Variants in CACNA1B observed in about 807,000 individuals in gnomAD.
CACNA1B encodes calcium voltage-gated channel subunit alpha1 B, also known as voltage-dependent N-type calcium channel subunit alpha-1B.
In CACNA1B, 70 loss-of-function variants were observed where a neutral mutation model predicts 247.2. That is an observed-to-expected ratio of 0.28 (90% CI 0.23 to 0.35). CACNA1B has a LOEUF of 0.35. Ranked by LOEUF, CACNA1B falls within the 10% of genes least tolerant of loss-of-function variation. CACNA1B has a pLI of 1.00. For missense variants in CACNA1B, 2,367 were observed against 3,197.4 expected (o/e 0.74, Z 6.26); for synonymous variants, 1,231 against 1,294.4 (o/e 0.95, Z 1.05).
intron 20 of CACNA1B, among the ~76,000 whole-genome samples, chr9:138,039,619 A>T (rs1421336296): frequency 6.6e-6 from 1 of 152,056 alleles, no homozygotes; most frequent in Admixed American, 6.6e-5. Context: ...AATTTTAATT[A>T]ATCTGTTTGT....
rs537683081 is a variant in CACNA1B, at chr9:138,042,674, T to G, written c.3287-1100T>G. ...AAAAGTGGTCGCTTTAAACTGCTTG[T>G]GCTCGTGGGCAGGGGCTGGTTATCT... is the stretch of plus-strand genomic sequence containing the variant. On this transcript the variant is annotated intron_variant, in intron 20 of 46. Transcript: ENST00000371372. Among the ~76,000 whole-genome samples, 5 of 152,316 alleles carry G rather than the reference T, an allele frequency of 3.3e-5. No homozygotes were observed. The South Asian group carries it at 1.0e-3, about 32-fold the overall frequency.
At chr9:138,093,375 G>A (rs1423014064) in intron 36 of CACNA1B, among the ~76,000 whole-genome samples, 1 of 129,850 alleles carries the variant, frequency 7.7e-6, no homozygotes, top group African/African-American at 3.1e-5. Context: ...CCGAGATCAT[G>A]CCTGGGCTAC....
chr9:137,955,525 C>A lies in CACNA1B; in HGVS notation c.1071-173C>A, dbSNP rs1050528634. Among the ~76,000 whole-genome samples, 2 of 152,322 alleles carry A rather than the reference C, an allele frequency of 1.3e-5. No homozygotes were observed. The highest frequency in any genetic ancestry group is 4.8e-5 in the African/African-American group (2 of 41,596). On this transcript the variant is annotated intron_variant, in intron 7 of 46. Transcript: ENST00000371372. This position sits in a 1 kb window ranked among gnomAD's most constrained non-coding sequence, Gnocchi z 6.9. Reference sequence around the variant, plus strand: ...GAGCTGTCTGGTGCTCTGGAGTGCTCATCTGGAGTGCTCAGGTTAGAAGAG... The same window carrying A: ...GAGCTGTCTGGTGCTCTGGAGTGCTAATCTGGAGTGCTCAGGTTAGAAGAG...
At chr9:137,902,750 G>A (rs1017360362) in intron 3 of CACNA1B, among the ~76,000 whole-genome samples, 1 of 152,106 alleles carries the variant, frequency 6.6e-6, no homozygotes, top group Admixed American at 6.5e-5. Flanking sequence ...TCACCCTCCA[G>A]GGCTACTGCG....
intron 43 of CACNA1B, 42 bp downstream of exon 43, chr9:138,118,123 TG>T: frequency 7.9e-7 from 1 of 1,260,228 alleles, no homozygotes; most frequent in Non-Finnish European, 1.0e-6. Flanking sequence ...TTGGGGGATG[TG>T]TGAACAGGGA....
intron 3 of CACNA1B, among the ~76,000 whole-genome samples, chr9:137,885,000 T>C (rs1283100933): frequency 8.2e-6 from 1 of 122,026 alleles, no homozygotes; most frequent in African/African-American, 3.2e-5. Context: ...GCCCTTTGTC[T>C]CCTCTCCACG....
chr9:137,916,820 G>A (rs996881414), intron 5 of CACNA1B, among the ~76,000 whole-genome samples: 17 of 152,130 alleles, frequency 1.1e-4, no homozygotes, highest in African/African-American at 4.1e-4. Flanking sequence ...AGTCAGCGTG[G>A]TGGTTTGGCT....
chr9:138,078,007 C>G (rs1421361259), intron 35 of CACNA1B, 107 bp from the exon 36 acceptor site: 8 of 893,890 alleles, frequency 8.9e-6, no homozygotes, highest in Non-Finnish European at 1.4e-5. Context: ...CATGTGTGAG[C>G]TGTCTGTGGG....
intron 6 of CACNA1B, among the ~76,000 whole-genome samples, chr9:137,949,096 GCATGTT>G (rs1564203123): frequency 1.8e-4 from 13 of 73,504 alleles, no homozygotes; most frequent in South Asian, 4.8e-4. Flanking sequence ...TGTGGTGTGT[GCATGTT>G]TGTGGTGGCT....
At chr9:137,898,865 T>C (rs561592630) in intron 3 of CACNA1B, among the ~76,000 whole-genome samples, 1 of 152,004 alleles carries the variant, frequency 6.6e-6, no homozygotes, top group Admixed American at 6.6e-5. Flanking sequence ...GTATTTTTAG[T>C]AGAGACGGGG....
chr9:138,050,198 C>T lies in CACNA1B; in HGVS notation c.3710+883C>T, dbSNP rs562397580. The T allele has an allele frequency of 2.3e-5, 18 of 798,132 alleles. No individual in the cohort carries two copies. The highest frequency in any genetic ancestry group is 6.4e-5 in the East Asian group (1 of 15,732). 49.4% of individuals were successfully genotyped at this position (798,132 alleles called of 1,614,324 possible). Reference sequence around the variant, plus strand: ...CCCCGCCCATCCACTTTCACCCCATCGGGGCTGCATGCTGCCGGGAGCCAA... The same window carrying T: ...CCCCGCCCATCCACTTTCACCCCATTGGGGCTGCATGCTGCCGGGAGCCAA... On this transcript the variant is annotated intron_variant, in intron 24 of 46. Transcript: ENST00000371372. The surrounding 1 kb of genome is among the most constrained non-coding windows in gnomAD (Gnocchi z 5.2).
intron 12 of CACNA1B, 104 bp downstream of exon 12, chr9:137,976,123 C>T (rs1409486990): frequency 4.1e-6 from 3 of 724,718 alleles, no homozygotes; most frequent in Non-Finnish European, 7.2e-6. Flanking sequence ...GTCTGTGACC[C>T]TACATGGGTC....
intron 36 of CACNA1B, among the ~76,000 whole-genome samples, chr9:138,094,108 G>A (rs962190955): frequency 5.3e-5 from 8 of 152,150 alleles, no homozygotes; most frequent in Non-Finnish European, 8.8e-5. Flanking sequence ...AGAGCGTTCT[G>A]ACACATTCTA....
At chr9:138,024,166 G>A (rs1176069901) in intron 19 of CACNA1B, among the ~76,000 whole-genome samples, 2 of 152,310 alleles carry the variant, frequency 1.3e-5, no homozygotes, top group East Asian at 3.9e-4. Context: ...GAGAAAGTTG[G>A]GGATTGCAGT....
intron 3 of CACNA1B, among the ~76,000 whole-genome samples, chr9:137,912,771 C>T (rs1957372196): frequency 6.6e-6 from 1 of 152,152 alleles, no homozygotes; most frequent in Non-Finnish European, 1.5e-5. Flanking sequence ...CTCTCAGTCT[C>T]CACTCCTCTC....
intron 37 of CACNA1B, among the ~76,000 whole-genome samples, chr9:138,099,217 CAT>C (rs773842098): frequency 6.6e-6 from 1 of 152,212 alleles, no homozygotes; most frequent in African/African-American, 2.4e-5. Flanking sequence ...TGCATGTGTA[CAT>C]GTGTGTTGTG....
At chr9:137,991,844 T>C (rs529458380) in intron 15 of CACNA1B, among the ~76,000 whole-genome samples, 2 of 152,176 alleles carry the variant, frequency 1.3e-5, no homozygotes, top group Non-Finnish European at 2.9e-5. Flanking sequence ...AAACTAAGCC[T>C]CATAAATGAA....
chr9:137,982,889 T>A (rs1958310632), intron 12 of CACNA1B, among the ~76,000 whole-genome samples: 1 of 152,222 alleles, frequency 6.6e-6, no homozygotes, highest in South Asian at 2.1e-4. Context: ...ACGTTAGATA[T>A]TCTCTGAATG....
At chr9:138,053,030 G>C (rs1959351168) in intron 25 of CACNA1B, among the ~76,000 whole-genome samples, 2 of 152,376 alleles carry the variant, frequency 1.3e-5, no homozygotes, top group South Asian at 4.1e-4. Context: ...GGACCCAAGA[G>C]AAAGCCTCAG....
Sources: gnomAD v4.1 joint callset for allele counts (sites outside exome capture counted in the v4.1 genomes callset) on GRCh38, gnomAD v4.1.1 for gene constraint, Gnocchi (gnomAD v3.1) non-coding constraint, MANE v1.5 for transcripts, NCBI Gene and HGNC (gene_info 2026-07-23, HGNC 2026-07-21) for gene names.